Variants in SCCPDH observed in about 807,000 individuals in gnomAD.
SCCPDH encodes the protein saccharopine dehydrogenase-like oxidoreductase.
In SCCPDH, 34 loss-of-function variants were observed where a neutral mutation model predicts 51.5. The observed-to-expected ratio is 0.66, with a 90% CI of 0.50 to 0.88. The LOEUF (loss-of-function observed/expected upper bound fraction) is 0.88. SCCPDH is among the 40% of genes least tolerant of loss of function. SCCPDH has a pLI of 0.00. For synonymous variants in SCCPDH, 187 were observed against 191.3 expected, an observed-to-expected ratio of 0.98 and a Z score of 0.19; for missense variants, 464 against 527.1, an observed-to-expected ratio of 0.88 and a Z score of 1.17.
At chr1:246,741,707 T>A (rs951310306) in intron 4 of SCCPDH, among the ~76,000 whole-genome samples, 9 of 152,222 alleles carry the variant, frequency 5.9e-5, no homozygotes, top group African/African-American at 1.9e-4. Flanking sequence ...AAAAAATGAT[T>A]TGAAAATTGA....
intron 7 of SCCPDH, among the ~76,000 whole-genome samples, chr1:246,759,638 A>G (rs1668982700): frequency 6.6e-6 from 1 of 152,204 alleles, no homozygotes; most frequent in Non-Finnish European, 1.5e-5. Context: ...TCTGTAATGT[A>G]TGATTGCTAA....
At chr1:246,755,117 T>C (rs1371056355) in intron 5 of SCCPDH, among the ~76,000 whole-genome samples, 1 of 152,320 alleles carries the variant, frequency 6.6e-6, no homozygotes, top group South Asian at 2.1e-4. Context: ...TGAAGAAAAC[T>C]GTAAACCTTT....
intron 3 of SCCPDH, among the ~76,000 whole-genome samples, chr1:246,737,613 A>T (rs186558274): frequency 6.6e-6 from 1 of 151,458 alleles, no homozygotes; most frequent in Admixed American, 6.6e-5. Flanking sequence ...TTTTTTTGAT[A>T]CAGGGTCTCT....
chr1:246,741,709 G>T (rs182579898), intron 4 of SCCPDH, among the ~76,000 whole-genome samples: 9 of 152,288 alleles, frequency 5.9e-5, no homozygotes, highest in African/African-American at 1.9e-4. Context: ...AAAATGATTT[G>T]AAAATTGAGA....
intron 2 of SCCPDH, among the ~76,000 whole-genome samples, chr1:246,728,106 T>A (rs999798251): frequency 1.2e-4 from 19 of 152,182 alleles, no homozygotes; most frequent in Non-Finnish European, 1.5e-5. Context: ...GCTGTTGTAC[T>A]GTGAAAAAGT....
chr1:246,750,826 T>G (rs1168400224), intron 5 of SCCPDH, among the ~76,000 whole-genome samples: 2 of 152,244 alleles, frequency 1.3e-5, no homozygotes, highest in Non-Finnish European at 2.9e-5. Flanking sequence ...TCTGGATACT[T>G]TGGAATGGCC....
intron 9 of SCCPDH, among the ~76,000 whole-genome samples, chr1:246,760,896 T>G (rs1238691096): frequency 1.3e-5 from 2 of 152,216 alleles, no homozygotes; most frequent in Non-Finnish European, 2.9e-5. Flanking sequence ...TTATCTCCTC[T>G]CAGTGGCTTT....
At chr1:246,757,809 C>T (rs941396450) in intron 5 of SCCPDH, among the ~76,000 whole-genome samples, 1 of 151,778 alleles carries the variant, frequency 6.6e-6, no homozygotes, top group African/African-American at 2.4e-5. Flanking sequence ...AATGTGCACA[C>T]GGACATATCC....
At chr1:246,732,160 A>G (rs1668502329) in intron 2 of SCCPDH, among the ~76,000 whole-genome samples, 1 of 152,170 alleles carries the variant, frequency 6.6e-6, no homozygotes, top group African/African-American at 2.4e-5. Context: ...AGGAAAGGTG[A>G]CATCACATTT....
At chr1:246,727,031 A>G (rs1334614999) in intron 2 of SCCPDH, 27 bp downstream of exon 2, 2 of 1,420,504 alleles carry the variant, frequency 1.4e-6, no homozygotes, top group South Asian at 2.3e-5. Context: ...TCTTTGTATC[A>G]GAACAAACAA....
At chr1:246,739,999 G>A (rs1471713191) in intron 3 of SCCPDH, among the ~76,000 whole-genome samples, 173 bp from the exon 4 acceptor site, 1 of 152,158 alleles carries the variant, frequency 6.6e-6, no homozygotes. Context: ...TGTGCAGTAG[G>A]CGCTGTATTT....
At chr1:246,746,807 C>T (rs1010034634) in intron 5 of SCCPDH, among the ~76,000 whole-genome samples, 13 of 152,348 alleles carry the variant, frequency 8.5e-5, no homozygotes, top group African/African-American at 3.1e-4. Flanking sequence ...TGCCACTGCA[C>T]CCCTGCCTGG....
chr1:246,746,521 TA>T (rs1668763857), intron 5 of SCCPDH, among the ~76,000 whole-genome samples: 4 of 152,156 alleles, frequency 2.6e-5, no homozygotes, highest in African/African-American at 9.7e-5. Flanking sequence ...AAGACAATAT[TA>T]GGGGTGGTCT....
chr1:246,733,520 T>G (rs1668525588), intron 2 of SCCPDH, among the ~76,000 whole-genome samples: 1 of 151,588 alleles, frequency 6.6e-6, no homozygotes, highest in African/African-American at 2.4e-5. Context: ...ACACTTTTTT[T>G]CTTAGAGAAA....
chr1:246,762,841 CAAAAAAAAAA>C (rs35066232), intron 9 of SCCPDH, among the ~76,000 whole-genome samples: 3 of 90,940 alleles, frequency 3.3e-5, no homozygotes, highest in African/African-American at 8.3e-5. Flanking sequence ...ATTCCTTCTC[CAAAAAAAAAA>C]AAAAAAAAAA....
rs140018251 is a variant in SCCPDH at position 246,727,002 on chromosome 1, C to T, written c.301C>T (p.Pro101Ser). The T allele has an allele frequency of 3.8e-6, 6 of 1,594,280 alleles. No individual in the cohort carries two copies. In the African/African-American group the frequency reaches 5.4e-5, roughly 14 times the overall value. ...QATVVLNCVG[P>S]YRFYGEPVIK... ...AACAGTTGTCCTCAATTGCGTAGGA[C>T]CAGTAAGTAATCAACCCTTCTTTGT... Residue 101 changes from proline to serine, a missense_variant and splice_region_variant, in exon 2 of 12, where the codon CCA becomes TCA. Transcript: ENST00000366510.
intron 9 of SCCPDH, among the ~76,000 whole-genome samples, chr1:246,761,164 T>C (rs1415407145): frequency 6.6e-6 from 1 of 151,938 alleles, no homozygotes; most frequent in Non-Finnish European, 1.5e-5. Context: ...GGATGATATG[T>C]TCCCTGTACA....
intron 6 of SCCPDH, 81 bp downstream of exon 6, chr1:246,758,437 C>T (rs1668963420): frequency 2.0e-6 from 2 of 1,016,876 alleles, no homozygotes; most frequent in Non-Finnish European, 2.8e-6. Context: ...AAGTATGTTA[C>T]TAAGAAAAGC....
chr1:246,731,976 T>C (rs150577874), intron 2 of SCCPDH, among the ~76,000 whole-genome samples: 3 of 152,040 alleles, frequency 2.0e-5, no homozygotes, highest in Non-Finnish European at 4.4e-5. Flanking sequence ...TGGTTTTCTG[T>C]CCTTGTGATA....
Sources: allele counts gnomAD v4.1 joint callset (sites outside exome capture counted in the v4.1 genomes callset), GRCh38; gene constraint gnomAD v4.1.1; transcripts MANE v1.5; gene names NCBI Gene and HGNC (gene_info 2026-07-23, HGNC 2026-07-21).